PLEKHA5: variants seen among roughly 807,000 people sequenced by gnomAD.
The protein encoded by PLEKHA5 is pleckstrin homology domain-containing family A member 5.
PLEKHA5 carries 55 observed loss-of-function variants against 181.9 expected under a neutral mutation model. The observed-to-expected ratio is 0.30, with a 90% CI of 0.24 to 0.38. The LOEUF is 0.38. Ranked by LOEUF, PLEKHA5 falls within the 10% of genes least tolerant of loss-of-function variation. The probability of loss-of-function intolerance (pLI) is 1.00; values close to 1 mark genes in which losing one functional copy is unlikely to be tolerated. For synonymous variants in PLEKHA5, 535 were observed against 529.4 expected (o/e 1.01, Z -0.15); for missense variants, 1,432 against 1,549.5 (o/e 0.92, Z 1.27).
intron 13 of PLEKHA5, among the ~76,000 whole-genome samples, chr12:19,289,775 T>C (rs2152837252): frequency 6.6e-6 from 1 of 152,186 alleles, no homozygotes; most frequent in East Asian, 1.9e-4. Context: ...AAACTCTCTT[T>C]TTCTTAAAAA....
chr12:19,335,428 T>A (rs2093341513), intron 20 of PLEKHA5, among the ~76,000 whole-genome samples: 1 of 151,434 alleles, frequency 6.6e-6, no homozygotes, highest in Admixed American at 6.6e-5. Flanking sequence ...ATTTATTTTT[T>A]TTTTTGAGTC....
intron 15 of PLEKHA5, among the ~76,000 whole-genome samples, chr12:19,302,690 C>CTT (rs2081886425): frequency 1.3e-5 from 2 of 151,990 alleles, no homozygotes; most frequent in African/African-American, 4.8e-5. Context: ...AGCCACCACC[C>CTT]CCAGCCTACT....
chr12:19,147,302 A>G (rs1226894995), intron 3 of PLEKHA5: 1 of 152,226 alleles, frequency 6.6e-6, no homozygotes, highest in Non-Finnish European at 1.5e-5. Context: ...AGGAATTAGA[A>G]ATCAGTTTCT....
At chr12:19,361,129 C>T (rs1400866989) in intron 28 of PLEKHA5, among the ~76,000 whole-genome samples, 4 of 152,170 alleles carry the variant, frequency 2.6e-5, no homozygotes, top group African/African-American at 9.6e-5. Context: ...TATACTTGAA[C>T]CTAAATTTAT....
At position 19,214,493 on chromosome 12, in the gene PLEKHA5, G is replaced by C. The variant is rs575057548; in HGVS notation, c.228-39447G>C. 3.9e-5 allele frequency among the ~76,000 whole-genome samples: 6 copies of C among 152,244 alleles called. No individual in the cohort carries two copies. In the South Asian group the frequency reaches 1.2e-3, roughly 32 times the overall value. ...CAAAGAATGGGAGTGACTAAAGTGTGTTTTTCAGCTGGTACATAGGAGCCA... is the reference window on the plus strand; with the variant it reads ...CAAAGAATGGGAGTGACTAAAGTGTCTTTTTCAGCTGGTACATAGGAGCCA... On this transcript the variant is annotated intron_variant, in intron 3 of 31. Coordinates refer to ENST00000429027, the MANE Select transcript of PLEKHA5 (RefSeq NM_001256470.2).
At chr12:19,141,496 T>C (rs1467424818) in intron 3 of PLEKHA5, among the ~76,000 whole-genome samples, 1 of 152,210 alleles carries the variant, frequency 6.6e-6, no homozygotes, top group Non-Finnish European at 1.5e-5. Flanking sequence ...AGAGGTCTTC[T>C]TATAATATAG....
At chr12:19,164,853 CT>C (rs1194668184) in intron 3 of PLEKHA5, among the ~76,000 whole-genome samples, 2 of 152,092 alleles carry the variant, frequency 1.3e-5, no homozygotes, top group African/African-American at 2.4e-5. Context: ...GCTTCAAACC[CT>C]TTTTTTCCAT....
At chr12:19,188,062 G>A (rs1336357238) in intron 3 of PLEKHA5, among the ~76,000 whole-genome samples, 2 of 152,062 alleles carry the variant, frequency 1.3e-5, no homozygotes, top group African/African-American at 4.8e-5. Context: ...TCAGAACATT[G>A]CCATTCTCAT....
At chr12:19,281,878 G>T (rs182380747) in intron 11 of PLEKHA5, among the ~76,000 whole-genome samples, 25 of 151,980 alleles carry the variant, frequency 1.6e-4, no homozygotes, top group African/African-American at 6.0e-4. Flanking sequence ...GCTTCCTGGG[G>T]TCACGCCATT....
intron 15 of PLEKHA5, among the ~76,000 whole-genome samples, chr12:19,311,353 G>T (rs1036768288): frequency 6.6e-6 from 1 of 151,284 alleles, no homozygotes; most frequent in South Asian, 2.1e-4. Flanking sequence ...CGGCAGGATC[G>T]CTTGAGCCCA....
intron 25 of PLEKHA5, among the ~76,000 whole-genome samples, chr12:19,351,949 G>A (rs1275018553): frequency 6.6e-6 from 1 of 151,920 alleles, no homozygotes; most frequent in African/African-American, 2.4e-5. Context: ...GGCATAGTTT[G>A]CCTGTAATCC....
At chr12:19,172,923 G>T (rs574576226) in intron 3 of PLEKHA5, among the ~76,000 whole-genome samples, 1 of 148,766 alleles carries the variant, frequency 6.7e-6, no homozygotes. Context: ...CTCGTGTCTC[G>T]GGTATGTTTT....
intron 3 of PLEKHA5, among the ~76,000 whole-genome samples, chr12:19,231,869 A>T (rs2060679079): frequency 6.6e-6 from 1 of 152,084 alleles, no homozygotes; most frequent in African/African-American, 2.4e-5. Flanking sequence ...TAAGATGAAA[A>T]TGTAAAGATT....
intron 3 of PLEKHA5, among the ~76,000 whole-genome samples, chr12:19,148,215 C>A (rs1299178157): frequency 6.6e-6 from 1 of 152,144 alleles, no homozygotes; most frequent in Non-Finnish European, 1.5e-5. Flanking sequence ...TGCCACCACG[C>A]CTGACTAATT....
chr12:19,308,613 G>A (rs1592429011), intron 15 of PLEKHA5, among the ~76,000 whole-genome samples: 1 of 152,166 alleles, frequency 6.6e-6, no homozygotes, highest in East Asian at 1.9e-4. Context: ...ATAGAGCCAT[G>A]TAGGAAATGC....
chr12:19,152,668 A>G (rs930425569), intron 3 of PLEKHA5: 1 of 152,214 alleles, frequency 6.6e-6, no homozygotes, highest in Non-Finnish European at 1.5e-5. Context: ...ATGACAATTT[A>G]ATTAAATGCC....
In PLEKHA5 at chr12:19,214,621, G is replaced by A. The variant is rs139071768; in HGVS notation, c.228-39319G>A. 5.7e-3 allele frequency among the ~76,000 whole-genome samples: 874 copies of A among 152,188 alleles called. 7 individuals carry two copies. Among genetic ancestry groups the A allele is most frequent in the African/African-American group, 0.02 (818 of 41,538 alleles). ...AACAGATCCAGCGACATATGATGGA[G>A]GGTGGACTTAACTACCCTAAGATTT... On this transcript the variant is annotated intron_variant, in intron 3 of 31. Coordinates refer to ENST00000429027, the MANE Select transcript of PLEKHA5 (RefSeq NM_001256470.2).
intron 20 of PLEKHA5, among the ~76,000 whole-genome samples, chr12:19,323,328 G>C (rs1020279645): frequency 6.6e-6 from 1 of 152,076 alleles, no homozygotes; most frequent in Admixed American, 6.6e-5. Context: ...TTCAAGACCA[G>C]CCTGACCAGC....
rs372176374 is a variant in PLEKHA5, at chr12:19,202,012, G to C, written c.228-51928G>C. On this transcript the variant is annotated intron_variant, in intron 3 of 31. Coordinates refer to ENST00000429027, the MANE Select transcript of PLEKHA5 (RefSeq NM_001256470.2). ...AAGCTGAGTTAGTACCACTTGCCTT[G>C]GGTTCATTACTTTTTGTTCGTTCTT... 51 of 973,410 alleles carry C rather than the reference G, an allele frequency of 5.2e-5. No individual in the cohort carries two copies. In the African/African-American group the frequency reaches 8.2e-4, roughly 16 times the overall value. 60.3% of individuals were successfully genotyped at this position (973,410 alleles called of 1,614,324 possible). A position where few individuals can be genotyped will look rare whatever the true frequency, so the allele number is the denominator to read the frequency against.
Sources: allele counts gnomAD v4.1 joint callset (sites outside exome capture counted in the v4.1 genomes callset), GRCh38; gene constraint gnomAD v4.1.1; transcripts MANE v1.5; gene names NCBI Gene and HGNC (gene_info 2026-07-23, HGNC 2026-07-21).